The following WWOX variants were observed in gnomAD, a reference collection of about 807,000 sequenced individuals.
The protein encoded by WWOX is WW domain-containing oxidoreductase.
WWOX carries 69 observed loss-of-function variants against 46.2 expected under a neutral mutation model. The ratio of observed to expected loss-of-function variants is 1.49; its 90% CI spans 1.23 to 1.82. WWOX has a LOEUF of 1.82. WWOX is among the 40% of genes most tolerant of loss of function. WWOX has a pLI of 0.00. For synonymous variants in WWOX, 359 were observed against 202.6 expected (o/e 1.77, Z -6.56); for missense variants, 919 against 542.6 (o/e 1.69, Z -6.89).
At chr16:78,759,947 T>A (rs1172266577) in intron 8 of WWOX, among the ~76,000 whole-genome samples, 1 of 152,226 alleles carries the variant, frequency 6.6e-6, no homozygotes, top group African/African-American at 2.4e-5. Context: ...CCTTCTTTTT[T>A]CTGTGACTCT....
At chr16:79,175,989 T>G (rs1046867486) in intron 8 of WWOX, among the ~76,000 whole-genome samples, 2 of 152,214 alleles carry the variant, frequency 1.3e-5, no homozygotes, top group African/African-American at 4.8e-5. Context: ...GCCTTTGAAT[T>G]TTAGCAGAAA....
intron 6 of WWOX, among the ~76,000 whole-genome samples, chr16:78,387,448 AT>A (rs992883185): frequency 4.0e-5 from 6 of 149,284 alleles, no homozygotes; most frequent in Non-Finnish European, 9.0e-5. Context: ...CCTTTTATTT[AT>A]TTTTTTTCAT....
intron 5 of WWOX, chr16:78,167,649 T>C (rs1218912360): frequency 6.6e-6 from 1 of 152,208 alleles, no homozygotes; most frequent in African/African-American, 2.4e-5. Flanking sequence ...GCCATTATAT[T>C]GTGTTCCTCA....
chr16:78,321,451 A>T (rs1205813377), intron 5 of WWOX, among the ~76,000 whole-genome samples: 1 of 149,380 alleles, frequency 6.7e-6, no homozygotes, highest in Non-Finnish European at 1.5e-5. Flanking sequence ...TATTTAAATA[A>T]TGTTAAGGCT....
At chr16:78,670,390 A>G (rs1248083431) in intron 8 of WWOX, among the ~76,000 whole-genome samples, 3 of 152,196 alleles carry the variant, frequency 2.0e-5, no homozygotes, top group South Asian at 4.1e-4. Context: ...GAAAAGCATT[A>G]TGAGCATTGC....
At chr16:79,069,045 A>AC (rs1281608996) in intron 8 of WWOX, among the ~76,000 whole-genome samples, 10 of 152,142 alleles carry the variant, frequency 6.6e-5, no homozygotes, top group African/African-American at 2.4e-4. Context: ...TTGACTTGGT[A>AC]GAGTCATTTG....
intron 8 of WWOX, among the ~76,000 whole-genome samples, chr16:78,443,920 G>A (rs977804906): frequency 1.3e-5 from 2 of 152,172 alleles, no homozygotes; most frequent in Non-Finnish European, 2.9e-5. Flanking sequence ...AGGCCAGCGT[G>A]ATTAAACCGA....
intron 8 of WWOX, among the ~76,000 whole-genome samples, chr16:78,613,931 A>G (rs1166338173): frequency 1.3e-5 from 2 of 152,202 alleles, no homozygotes; most frequent in East Asian, 1.9e-4. Flanking sequence ...TTATTGCTAT[A>G]CAGCTGTACC....
chr16:79,143,364 A>C (rs12449061), intron 8 of WWOX, among the ~76,000 whole-genome samples: 35,368 of 152,106 alleles, frequency 0.23, 5,522 homozygotes, highest in African/African-American at 0.44. Flanking sequence ...ATGTCAGTGT[A>C]TTTCTTGAAT....
intron 8 of WWOX, among the ~76,000 whole-genome samples, chr16:79,118,901 G>A (rs2049572126): frequency 6.6e-6 from 1 of 152,174 alleles, no homozygotes; most frequent in Non-Finnish European, 1.5e-5. Flanking sequence ...AAGCATTGCT[G>A]TTTATTTATC....
At chr16:78,152,121 C>T (rs1010009586) in intron 4 of WWOX, among the ~76,000 whole-genome samples, 1 of 150,844 alleles carries the variant, frequency 6.6e-6, no homozygotes, top group Non-Finnish European at 1.5e-5. Flanking sequence ...ACCCGGGAGG[C>T]GGAGCTTGAA....
Position 78,338,382 on chromosome 16 carries a change from A to G in WWOX, c.517-48478A>G, listed in dbSNP as rs1178964445. ...CAAAATTGTTGTTTTCCCCAGTTGT[A>G]AAGTGTGCAATATTATCCTTGCAAA... is the stretch of plus-strand genomic sequence containing the variant. On this transcript the variant is annotated intron_variant, in intron 5 of 8. Coordinates refer to ENST00000566780, the MANE Select transcript of WWOX (RefSeq NM_016373.4). 2.5e-5 allele frequency among the ~76,000 whole-genome samples: 3 copies of G among 121,032 alleles called. 1 individual carries two copies. The highest frequency in any genetic ancestry group is 1.6e-4 in the Admixed American group (2 of 12,390). 79.4% of individuals were successfully genotyped at this position (121,032 alleles called of 152,430 possible). A position where few individuals can be genotyped will look rare whatever the true frequency, so the allele number is the denominator to read the frequency against.
intron 5 of WWOX, among the ~76,000 whole-genome samples, chr16:78,169,727 A>G (rs1233422235): frequency 6.6e-6 from 1 of 151,954 alleles, no homozygotes; most frequent in Middle Eastern, 3.2e-3. Flanking sequence ...GAGCAGATGG[A>G]CCTGATGTCA....
At chr16:79,042,928 T>C (rs1213597138) in intron 8 of WWOX, among the ~76,000 whole-genome samples, 1 of 152,238 alleles carries the variant, frequency 6.6e-6, no homozygotes, top group South Asian at 2.1e-4. Flanking sequence ...AATTTCATGA[T>C]GAGCAAATGC....
intron 1 of WWOX, chr16:78,100,227 G>T: frequency 3.5e-6 from 4 of 1,150,666 alleles, no homozygotes; most frequent in Non-Finnish European, 4.3e-6. Flanking sequence ...TGCAGGCTCT[G>T]GGTTGCAGGG....
At chr16:78,529,007 A>G (rs1005738564) in intron 8 of WWOX, among the ~76,000 whole-genome samples, 1 of 144,570 alleles carries the variant, frequency 6.9e-6, no homozygotes, top group Non-Finnish European at 1.5e-5. Flanking sequence ...AGGCCGGAGT[A>G]CAGTGGCACG....
chr16:79,193,802 A>G (rs760783572), intron 8 of WWOX, among the ~76,000 whole-genome samples: 11 of 152,104 alleles, frequency 7.2e-5, no homozygotes, highest in Non-Finnish European at 1.6e-4. Flanking sequence ...GCAGCTGGGG[A>G]GAAGCTGAAT....
intron 4 of WWOX, among the ~76,000 whole-genome samples, chr16:78,116,916 G>C (rs1050493082): frequency 1.3e-5 from 2 of 152,192 alleles, no homozygotes; most frequent in Non-Finnish European, 2.9e-5. Flanking sequence ...ACATTAGATA[G>C]CAGACTCTTG....
intron 8 of WWOX, among the ~76,000 whole-genome samples, chr16:78,812,100 C>G (rs1449189356): frequency 1.3e-5 from 2 of 151,958 alleles, no homozygotes; most frequent in African/African-American, 4.8e-5. Context: ...CTTTTGAACC[C>G]CAAAGTCCCC....
Sources: gnomAD v4.1 joint callset for allele counts (sites outside exome capture counted in the v4.1 genomes callset) on GRCh38, gnomAD v4.1.1 for gene constraint, MANE v1.5 for transcripts, NCBI Gene and HGNC (gene_info 2026-07-23, HGNC 2026-07-21) for gene names.